The following LINGO2 variants were observed in gnomAD, a reference collection of about 807,000 sequenced individuals.
LINGO2 encodes the protein leucine-rich repeat and immunoglobulin-like domain-containing nogo receptor-interacting protein 2.
In LINGO2, 14 loss-of-function variants were observed where a neutral mutation model predicts 30.6. That is an observed-to-expected ratio of 0.46 (90% CI 0.30 to 0.72). LINGO2 has a LOEUF of 0.72. Ranked by LOEUF, LINGO2 falls within the 30% of genes least tolerant of loss-of-function variation. The pLI, the probability that LINGO2 is intolerant of heterozygous loss-of-function variation, is 0.07. For missense variants in LINGO2, 729 were observed against 751.7 expected, an observed-to-expected ratio of 0.97 and a Z score of 0.35; for synonymous variants, 317 against 288.5, an observed-to-expected ratio of 1.10 and a Z score of -1.00.
At chr9:28,967,519 C>T in the LINGO2 span, among the ~76,000 whole-genome samples, 1 of 152,098 alleles carries the variant, frequency 6.6e-6, no homozygotes, top group African/African-American at 2.4e-5. Context: ...ACATTTCAGT[C>T]ACCTTTTCTT....
intron 5 of LINGO2, among the ~76,000 whole-genome samples, chr9:27,953,461 G>T (rs1836536008): frequency 6.6e-6 from 1 of 151,886 alleles, no homozygotes. Flanking sequence ...CGGCTAATAT[G>T]GTTTGGCTGT....
chr9:28,204,382 G>A (rs1191123216), intron 4 of LINGO2, among the ~76,000 whole-genome samples: 7 of 152,098 alleles, frequency 4.6e-5, no homozygotes, highest in Non-Finnish European at 1.0e-4. Context: ...TTTAACAAAA[G>A]GACCTACTCA....
At chr9:28,921,355 C>T in the LINGO2 span, among the ~76,000 whole-genome samples, 1 of 152,100 alleles carries the variant, frequency 6.6e-6, no homozygotes, top group Non-Finnish European at 1.5e-5. Flanking sequence ...ATTCCACCCC[C>T]ACCCCAGAGG....
chr9:28,433,784 C>A (rs2134965792), intron 2 of LINGO2, among the ~76,000 whole-genome samples: 1 of 151,748 alleles, frequency 6.6e-6, no homozygotes, highest in Non-Finnish European at 1.5e-5. Context: ...GGGTAGCTAC[C>A]CAAAGGAAAA....
intron 4 of LINGO2, among the ~76,000 whole-genome samples, chr9:28,030,483 T>C (rs1027999379): frequency 1.3e-5 from 2 of 152,118 alleles, no homozygotes; most frequent in African/African-American, 2.4e-5. Context: ...TTTTAAAAGG[T>C]CCAGAGACAC....
At chr9:28,087,180 A>G (rs1339350494) in intron 4 of LINGO2, among the ~76,000 whole-genome samples, 1 of 152,036 alleles carries the variant, frequency 6.6e-6, no homozygotes, top group Non-Finnish European at 1.5e-5. Flanking sequence ...CCAGCTGACT[A>G]CAGATGCATA....
chr9:29,147,764 G>T, the LINGO2 span, among the ~76,000 whole-genome samples: 25 of 151,928 alleles, frequency 1.6e-4, no homozygotes, highest in African/African-American at 6.0e-4. Flanking sequence ...TAGCTATATT[G>T]TTCATTACTT....
chr9:28,337,829 T>C (rs146133043), intron 3 of LINGO2, among the ~76,000 whole-genome samples: 4 of 152,012 alleles, frequency 2.6e-5, no homozygotes, highest in Admixed American at 2.0e-4. Flanking sequence ...AGAGGATGTA[T>C]GGAAATGCCT....
intron 2 of LINGO2, among the ~76,000 whole-genome samples, chr9:28,457,593 C>G (rs560715452): frequency 2.6e-4 from 39 of 151,266 alleles, no homozygotes; most frequent in African/African-American, 9.0e-4. Flanking sequence ...AAAAAGAAAA[C>G]AAAAATTAAA....
intron 1 of LINGO2, among the ~76,000 whole-genome samples, chr9:28,594,506 T>C (rs1825078638): frequency 1.3e-5 from 2 of 152,130 alleles, no homozygotes; most frequent in Admixed American, 6.6e-5. Context: ...AGTTGTACTT[T>C]TCATTTACGC....
the LINGO2 span, among the ~76,000 whole-genome samples, chr9:29,192,113 A>C: frequency 6.6e-6 from 1 of 152,158 alleles, no homozygotes; most frequent in Admixed American, 6.5e-5. Flanking sequence ...TTACAGAATC[A>C]ATGTTATAAA....
At chr9:28,246,235 C>A (rs909544823) in intron 4 of LINGO2, among the ~76,000 whole-genome samples, 1 of 152,028 alleles carries the variant, frequency 6.6e-6, no homozygotes, top group Non-Finnish European at 1.5e-5. Context: ...ACCAGCCTGA[C>A]CAACATGGTG....
chr9:28,282,211 AT>A, intron 4 of LINGO2, among the ~76,000 whole-genome samples: 1 of 152,248 alleles, frequency 6.6e-6, no homozygotes, highest in Non-Finnish European at 1.5e-5. Context: ...TCAATATTAA[AT>A]GCATCATGTT....
the LINGO2 span, among the ~76,000 whole-genome samples, chr9:28,868,926 A>G: frequency 6.6e-6 from 1 of 152,104 alleles, no homozygotes; most frequent in African/African-American, 2.4e-5. Context: ...ATACACAATT[A>G]TCATTTACTG....
chr9:28,131,178 A>G (rs112696428), intron 4 of LINGO2, among the ~76,000 whole-genome samples: 1 of 152,178 alleles, frequency 6.6e-6, no homozygotes, highest in South Asian at 2.1e-4. Flanking sequence ...AAAAAAAAAA[A>G]AAAACATGAG....
At chr9:29,069,802 A>C in the LINGO2 span, among the ~76,000 whole-genome samples, 2 of 152,166 alleles carry the variant, frequency 1.3e-5, no homozygotes, top group African/African-American at 4.8e-5. Context: ...TTCTCTCCAA[A>C]GTTATTTTCA....
the LINGO2 span, among the ~76,000 whole-genome samples, chr9:28,722,562 T>C: frequency 6.6e-6 from 1 of 152,130 alleles, no homozygotes; most frequent in Non-Finnish European, 1.5e-5. Context: ...AGGAAAGGCC[T>C]ATCTGACAGT....
At chr9:29,132,214 G>A in the LINGO2 span, among the ~76,000 whole-genome samples, 5 of 152,020 alleles carry the variant, frequency 3.3e-5, no homozygotes, top group Non-Finnish European at 5.9e-5. Context: ...GTTCCTCGAG[G>A]GGGGGAAATG....
At chr9:28,701,105 TA>T in the LINGO2 span, among the ~76,000 whole-genome samples, 41,332 of 151,706 alleles carry the variant, frequency 0.27, 6,202 homozygotes, top group African/African-American at 0.39. Context: ...GTTTGAGGCT[TA>T]ACATTCACAT....
Sources: allele counts gnomAD v4.1 joint callset (sites outside exome capture counted in the v4.1 genomes callset), GRCh38; gene constraint gnomAD v4.1.1; transcripts MANE v1.5; gene names NCBI Gene and HGNC (gene_info 2026-07-23, HGNC 2026-07-21).